The following MCC variants were observed in gnomAD, a reference collection of about 807,000 sequenced individuals.
The protein encoded by MCC is colorectal mutant cancer protein.
Under a neutral mutation model 116.2 loss-of-function variants are expected in MCC, and 90 were observed. That is an observed-to-expected ratio of 0.77 (90% CI 0.65 to 0.92). The LOEUF is 0.92. MCC is among the 40% of genes least tolerant of loss of function. The pLI, the probability that MCC is intolerant of heterozygous loss-of-function variation, is 0.00. For missense variants in MCC, 1,516 were observed against 1,312.2 expected (o/e 1.16, Z -2.40); for synonymous variants, 578 against 510.5 (o/e 1.13, Z -1.78).
intron 5 of MCC, among the ~76,000 whole-genome samples, chr5:113,141,179 C>T (rs1759160353): frequency 6.6e-6 from 1 of 152,188 alleles, no homozygotes; most frequent in African/African-American, 2.4e-5. Flanking sequence ...ACTCTTCCTG[C>T]CCTTGGACAT....
intron 5 of MCC, among the ~76,000 whole-genome samples, chr5:113,124,164 T>TA (rs1757899618): frequency 6.6e-6 from 1 of 152,122 alleles, no homozygotes; most frequent in African/African-American, 2.4e-5. Flanking sequence ...ACATGGAAAA[T>TA]ATGAATTAGA....
At chr5:113,062,649 G>A (rs1042785538) in intron 14 of MCC, among the ~76,000 whole-genome samples, 19 of 152,326 alleles carry the variant, frequency 1.2e-4, no homozygotes, top group Non-Finnish European at 2.5e-4. Context: ...TGCTTTCTGT[G>A]TTTACACAGT....
intron 1 of MCC, among the ~76,000 whole-genome samples, chr5:113,482,423 T>C (rs1772404315): frequency 6.6e-6 from 1 of 151,866 alleles, no homozygotes; most frequent in African/African-American, 2.4e-5. Flanking sequence ...TCAACACTTA[T>C]TATCTGACTT....
At chr5:113,148,097 C>T (rs998121089) in intron 4 of MCC, among the ~76,000 whole-genome samples, 9 of 152,188 alleles carry the variant, frequency 5.9e-5, no homozygotes, top group Non-Finnish European at 4.4e-5. Context: ...ATTGTTGGTA[C>T]TAAATAAATA....
intron 1 of MCC, among the ~76,000 whole-genome samples, chr5:113,405,174 C>T (rs1052562043): frequency 1.3e-5 from 2 of 152,194 alleles, no homozygotes; most frequent in Non-Finnish European, 2.9e-5. Context: ...ATCCAGTGCC[C>T]TGCCAAGAAG....
At chr5:113,457,835 T>C (rs1284185638) in intron 1 of MCC, among the ~76,000 whole-genome samples, 1 of 151,232 alleles carries the variant, frequency 6.6e-6, no homozygotes, top group African/African-American at 2.5e-5. Flanking sequence ...ATCGGCACTC[T>C]GTATCTAGCT....
chr5:113,100,660 C>CG (rs1437929269), intron 8 of MCC, among the ~76,000 whole-genome samples: 1 of 151,750 alleles, frequency 6.6e-6, no homozygotes, highest in African/African-American at 2.4e-5. Flanking sequence ...CTAGTGGAGA[C>CG]GGGGGTTTCA....
At chr5:113,253,767 G>A (rs541388383) in intron 3 of MCC, among the ~76,000 whole-genome samples, 1 of 152,028 alleles carries the variant, frequency 6.6e-6, no homozygotes, top group African/African-American at 2.4e-5. Context: ...AGAATTTTAG[G>A]GGGAAAAACA....
chr5:113,328,282 G>A (rs966340993), intron 3 of MCC, among the ~76,000 whole-genome samples: 1 of 152,166 alleles, frequency 6.6e-6, no homozygotes, highest in African/African-American at 2.4e-5. Flanking sequence ...TAGCAAACGT[G>A]ACCAGTTATT....
chr5:113,447,850 C>A (rs1228089076), intron 1 of MCC, among the ~76,000 whole-genome samples: 1 of 152,122 alleles, frequency 6.6e-6, no homozygotes, highest in Non-Finnish European at 1.5e-5. Context: ...GGGCGGCCCA[C>A]CGAGAGAGAG....
intron 2 of MCC, among the ~76,000 whole-genome samples, chr5:113,382,268 T>TC (rs1295519087): frequency 6.7e-6 from 1 of 150,014 alleles, no homozygotes; most frequent in Non-Finnish European, 1.5e-5. Context: ...CTAATTATTG[T>TC]CCTTTTTTTT....
At chr5:113,091,616 C>T (rs778000976) in intron 8 of MCC, among the ~76,000 whole-genome samples, 5 of 152,208 alleles carry the variant, frequency 3.3e-5, no homozygotes, top group Admixed American at 6.5e-5. Flanking sequence ...GGCACGGTGG[C>T]TTTGGTGGTA....
At chr5:113,462,844 T>C (rs1427060550) in intron 1 of MCC, among the ~76,000 whole-genome samples, 4 of 152,180 alleles carry the variant, frequency 2.6e-5, no homozygotes, top group Non-Finnish European at 2.9e-5. Context: ...GGGGATTCAA[T>C]GGTGAATAAA....
intron 3 of MCC, among the ~76,000 whole-genome samples, chr5:113,175,650 A>C (rs1416055032): frequency 6.6e-6 from 1 of 152,150 alleles, no homozygotes; most frequent in East Asian, 1.9e-4. Context: ...CCTATCTAGG[A>C]GGTCGTATGA....
At chr5:113,142,868 G>C (rs1306710855) in intron 5 of MCC, among the ~76,000 whole-genome samples, 1 of 52,182 alleles carries the variant, frequency 1.9e-5, no homozygotes. Flanking sequence ...TCGTCTCTAA[G>C]ATGGAAGGGG....
intron 3 of MCC, among the ~76,000 whole-genome samples, chr5:113,242,676 G>C (rs1764419314): frequency 6.6e-6 from 1 of 151,968 alleles, no homozygotes; most frequent in African/African-American, 2.4e-5. Flanking sequence ...ACTTCAAGAG[G>C]GTTATGAACA....
At chr5:113,470,512 C>T (rs1278321510) in intron 1 of MCC, among the ~76,000 whole-genome samples, 1 of 152,200 alleles carries the variant, frequency 6.6e-6, no homozygotes, top group South Asian at 2.1e-4. Context: ...TATTCGTCCC[C>T]ACTCTCTTCT....
rs144235223 is a variant in MCC at position 113,415,710 on chromosome 5, G to A, written c.171-30498C>T. On this transcript the variant is annotated intron_variant, in intron 1 of 18. Transcript: ENST00000408903. The stretch of plus-strand genomic sequence containing the variant: ...CTTTTAGCTTCCTTGTGATGGGTTC[G>A]AACATCCTCCTTTAGCTTGGAGAAG... 6.7e-3 allele frequency among the ~76,000 whole-genome samples: 1,012 copies of A among 152,150 alleles called. 9 individuals carry two copies. The highest frequency in any genetic ancestry group is 0.023 in the African/African-American group (947 of 41,494).
intron 3 of MCC, among the ~76,000 whole-genome samples, chr5:113,256,111 T>C (rs187071617): frequency 1.1e-4 from 16 of 152,286 alleles, no homozygotes; most frequent in East Asian, 1.9e-4. Context: ...CCCAAACAAA[T>C]TGAATCCAAA....
Sources: allele counts gnomAD v4.1 joint callset (sites outside exome capture counted in the v4.1 genomes callset), GRCh38; gene constraint gnomAD v4.1.1; transcripts MANE v1.5; gene names NCBI Gene and HGNC (gene_info 2026-07-23, HGNC 2026-07-21).